IFI6: variants seen among roughly 807,000 people sequenced by gnomAD.
The protein encoded by IFI6 is interferon alpha-inducible protein 6.
A neutral mutation model predicts 12.7 loss-of-function variants in IFI6; 10 were observed. That is an observed-to-expected ratio of 0.79 (90% CI 0.49 to 1.33). The LOEUF is 1.33. Among genes scored for constraint, IFI6 ranks in the 40% most tolerant of loss-of-function variants. The pLI is 0.00. For synonymous variants in IFI6, 89 were observed against 86.2 expected (o/e 1.03, Z -0.18); for missense variants, 154 against 180.4 (o/e 0.85, Z 0.84).
chr1:27,667,281 C>T (rs1024587067), intron 4 of IFI6, among the ~76,000 whole-genome samples: 19 of 132,742 alleles, frequency 1.4e-4, no homozygotes, highest in Non-Finnish European at 2.7e-4. Flanking sequence ...CAGTGTGTGG[C>T]GGTATGCGCC....
chr1:27,667,273 G>T (rs183976236), intron 4 of IFI6, among the ~76,000 whole-genome samples: 190 of 142,858 alleles, frequency 1.3e-3, no homozygotes, highest in Non-Finnish European at 2.2e-3. Flanking sequence ...AAAAAAGCCA[G>T]TGTGTGGCGG....
intron 1 of IFI6, chr1:27,670,578 T>C (rs1288180571): frequency 1.3e-5 from 2 of 152,160 alleles, no homozygotes; most frequent in East Asian, 1.9e-4. Flanking sequence ...TCAGCCACCA[T>C]ACCCAGCTAC....
chr1:27,669,461 G>A, intron 1 of IFI6, 115 bp from the exon 2 acceptor site: 2 of 660,352 alleles, frequency 3.0e-6, no homozygotes, highest in Non-Finnish European at 5.4e-6. Context: ...TGTGGTGAAT[G>A]GAACCCAGGA....
chr1:27,666,185 A>T lies in IFI6; in HGVS notation c.*196T>A, dbSNP rs1248512430. On this transcript the variant is annotated 3_prime_UTR_variant, in exon 5 of 5. Coordinates refer to ENST00000361157, the MANE Select transcript of IFI6 (RefSeq NM_002038.4). ...GTAATCCTACTTGGGAGGTTGAGAC[A>T]GGAGGATCACTTGAGGCTAGGAGTT... The T allele has an allele frequency of 2.2e-6, 1 of 448,404 alleles. No homozygotes were observed. Among genetic ancestry groups the T allele is most frequent in the African/African-American group, 2.1e-5 (1 of 48,440 alleles). 27.8% of individuals were successfully genotyped at this position (448,404 alleles called of 1,614,324 possible).
rs141104640 is a variant in IFI6, at chr1:27,669,765, G to C, written c.-32-419C>G. ...CTTGTTAATTTAATAACTGTTCCACGCTGTATCCCCGGCACTTTGAACAGT... is the reference window on the plus strand; with the variant it reads ...CTTGTTAATTTAATAACTGTTCCACCCTGTATCCCCGGCACTTTGAACAGT... On this transcript the variant is annotated intron_variant, in intron 1 of 4. Coordinates refer to ENST00000361157, the MANE Select transcript of IFI6 (RefSeq NM_002038.4). 9.2e-3 allele frequency: 1,666 copies of C among 181,058 alleles called. 38 individuals carry two copies. The highest frequency in any genetic ancestry group is 0.037 in the African/African-American group (1,569 of 42,250). The allele number at this position is 181,058 out of a possible 1,614,324, so 11.2% of individuals were successfully genotyped here.
At position 27,668,533 on chromosome 1, in the gene IFI6, T is replaced by TA. The variant is rs755225717; in HGVS notation, c.72dup (p.Lys25Ter). On this transcript the variant is annotated frameshift_variant and splice_region_variant, in exon 3 of 5. Transcript: ENST00000361157. LOFTEE classifies it high-confidence loss of function. ...TCCGAGCTCTCCGAGCACTTTTTCTTACCTGCAGGAGAGCAGACAAAGCGT... is the reference window on the plus strand; with the variant it reads ...TCCGAGCTCTCCGAGCACTTTTTCTTAACCTGCAGGAGAGCAGACAAAGCGT... The TA allele has an allele frequency of 6.3e-7, 1 of 1,598,856 alleles. No homozygotes were observed. The highest frequency in any genetic ancestry group is 1.1e-5 in the South Asian group (1 of 88,266).
chr1:27,670,228 A>C (rs1241797597), intron 1 of IFI6: 1 of 152,196 alleles, frequency 6.6e-6, no homozygotes, highest in South Asian at 2.1e-4. Context: ...AGCAGCTCAC[A>C]GAACTCAGGG....
chr1:27,668,238 G>C lies in IFI6; in HGVS notation c.286C>G (p.Leu96Val). The C allele has an allele frequency of 1.9e-6, 3 of 1,562,234 alleles. No individual in the cohort carries two copies. The highest frequency in any genetic ancestry group is 2.6e-6 in the Non-Finnish European group (3 of 1,159,914). Residue 96 changes from leucine to valine, a missense_variant, in exon 4 of 5, where the codon CTG becomes GTG. Physicochemically the swap from Leu to Val is conservative, Grantham distance 32. Transcript: ENST00000361157. ...GCCCCGCACTCACCGAGGCTCTGCAGCGTGGCCACTAGCCCCCCGGCGGGC... is the reference window on the plus strand; with the variant it reads ...GCCCCGCACTCACCGAGGCTCTGCACCGTGGCCACTAGCCCCCCGGCGGGC... ...GVPAGGLVATLQSLGAGGSSV... is the reference protein window; with the variant it reads ...GVPAGGLVATVQSLGAGGSSV...
At chr1:27,670,043 G>A (rs2090392752) in intron 1 of IFI6, 1 of 152,118 alleles carries the variant, frequency 6.6e-6, no homozygotes, top group African/African-American at 2.4e-5. Context: ...ACCAGCTGAG[G>A]GTCCCCAAAT....
chr1:27,667,986 G>A (rs545567136), intron 4 of IFI6, among the ~76,000 whole-genome samples: 6 of 152,330 alleles, frequency 3.9e-5, no homozygotes, highest in African/African-American at 1.2e-4. Context: ...CAGGAAAATC[G>A]CTTGAGCCAG....
chr1:27,668,128 A>T, intron 4 of IFI6, 98 bp downstream of exon 4: 3 of 1,076,168 alleles, frequency 2.8e-6, no homozygotes, highest in Non-Finnish European at 3.8e-6. Context: ...TAATTACTTG[A>T]GTAAATTACT....
Position 27,666,252 on chromosome 1 carries a change from T to C in IFI6, c.*129A>G. 3.6e-6 allele frequency: 2 copies of C among 561,084 alleles called. No individual in the cohort carries two copies. Among genetic ancestry groups the C allele is most frequent in the South Asian group, 2.3e-5 (1 of 43,922 alleles). The allele number at this position is 561,084 out of a possible 1,614,324, so 34.8% of individuals were successfully genotyped here. The stretch of plus-strand genomic sequence containing the variant: ...TATGTTCGCATCTGTGAATAGCCAC[T>C]GCACTCTAGCCTGGACAATATAGTG... On this transcript the variant is annotated 3_prime_UTR_variant, in exon 5 of 5. Coordinates refer to ENST00000361157, the MANE Select transcript of IFI6 (RefSeq NM_002038.4).
intron 1 of IFI6, 141 bp from the exon 2 acceptor site, chr1:27,669,487 T>C: frequency 1.7e-6 from 1 of 597,712 alleles, no homozygotes; most frequent in Non-Finnish European, 3.0e-6. Context: ...CTCAGGAGCC[T>C]CGGGAATCCG....
intron 4 of IFI6, among the ~76,000 whole-genome samples, chr1:27,667,385 A>G (rs912518705): frequency 2.0e-5 from 3 of 152,032 alleles, no homozygotes; most frequent in African/African-American, 7.2e-5. Flanking sequence ...ACTGCATTCC[A>G]ACCTGGCAGT....
chr1:27,667,746 G>T (rs924607887), intron 4 of IFI6, among the ~76,000 whole-genome samples: 1 of 152,216 alleles, frequency 6.6e-6, no homozygotes, highest in Admixed American at 6.5e-5. Context: ...TCTAGGCTCT[G>T]GTCTAAACTA....
intron 4 of IFI6, 43 bp downstream of exon 4, chr1:27,668,183 A>G (rs759547291): frequency 7.0e-7 from 1 of 1,430,116 alleles, no homozygotes; most frequent in East Asian, 2.6e-5. Context: ...GATGAAAATA[A>G]TAGTAAAGAA....
rs375648693 is a variant in IFI6, at chr1:27,666,490, C to T, written c.299-15G>A. 2.3e-5 allele frequency: 37 copies of T among 1,598,950 alleles called. No homozygotes were observed. The highest frequency in any genetic ancestry group is 3.4e-5 in the Admixed American group (2 of 59,612). ...GCCACCAGCCCCTGTAAAGCAAACA[C>T]AGATGAGTCACTGGGGCCCAAGTGC... On this transcript the variant is annotated splice_polypyrimidine_tract_variant and intron_variant, in intron 4 of 4. Transcript: ENST00000361157.
At chr1:27,668,632 G>A (rs1394438628) in intron 2 of IFI6, 97 bp from the exon 3 acceptor site, 3 of 918,368 alleles carry the variant, frequency 3.3e-6, no homozygotes, top group African/African-American at 3.3e-5. Context: ...CTGGAGGCGG[G>A]GGCCACCACT....
At chr1:27,670,733 T>C (rs2090398087) in intron 1 of IFI6, among the ~76,000 whole-genome samples, 4 of 152,194 alleles carry the variant, frequency 2.6e-5, no homozygotes, top group Admixed American at 2.6e-4. Flanking sequence ...ATCTGGAAGC[T>C]TGTCAAACCC....
Sources: allele counts gnomAD v4.1 joint callset (sites outside exome capture counted in the v4.1 genomes callset), GRCh38; gene constraint gnomAD v4.1.1; transcripts MANE v1.5; gene names NCBI Gene and HGNC (gene_info 2026-07-23, HGNC 2026-07-21).